The following CELF2 variants were observed in gnomAD, a reference collection of about 807,000 sequenced individuals.
The protein encoded by CELF2 is CUG triplet repeat RNA-binding protein 2.
In CELF2, 8 loss-of-function variants were observed where a neutral mutation model predicts 62.6. That is an observed-to-expected ratio of 0.13 (90% CI 0.07 to 0.23). CELF2 has a LOEUF of 0.23. Among genes scored for constraint, CELF2 ranks in the 10% least tolerant of loss-of-function variants. The probability of loss-of-function intolerance (pLI) is 1.00; values close to 1 mark genes in which losing one functional copy is unlikely to be tolerated. For missense variants in CELF2, 333 were observed against 671.0 expected, an observed-to-expected ratio of 0.50 and a Z score of 5.56; for synonymous variants, 258 against 250.0, an observed-to-expected ratio of 1.03 and a Z score of -0.30.
chr10:10,761,905 CGTGT>C, the CELF2 span, among the ~76,000 whole-genome samples: 35,687 of 128,576 alleles, frequency 0.28, 5,023 homozygotes, highest in Non-Finnish European at 0.33. Flanking sequence ...TATAATAAAC[CGTGT>C]GTGTGTGTGT....
chr10:10,865,416 G>T (rs1257375702), intron 1 of CELF2, among the ~76,000 whole-genome samples: 2 of 152,072 alleles, frequency 1.3e-5, no homozygotes, highest in Non-Finnish European at 2.9e-5. Context: ...ATATGAATTT[G>T]CTCCTGTTTA....
chr10:10,662,139 A>G, the CELF2 span, among the ~76,000 whole-genome samples: 8 of 152,256 alleles, frequency 5.3e-5, no homozygotes, highest in African/African-American at 1.9e-4. Context: ...GCCTGGTAAA[A>G]GGGTCTGAGC....
intron 1 of CELF2, chr10:11,018,738 G>A (rs1593234857): frequency 6.5e-6 from 1 of 153,342 alleles, no homozygotes; most frequent in Non-Finnish European, 1.5e-5. Context: ...GTGCGCGCGT[G>A]CGAGTGTGCA....
intron 9 of CELF2, 148 bp from the exon 10 acceptor site, chr10:11,313,991 A>G (rs1231674584): frequency 1.2e-5 from 10 of 803,548 alleles, no homozygotes; most frequent in Admixed American, 9.5e-5. Flanking sequence ...CAAAATTGCC[A>G]CAAGTACAAT....
intron 3 of CELF2, among the ~76,000 whole-genome samples, chr10:11,225,765 AT>A (rs897946451): frequency 6.6e-6 from 1 of 152,092 alleles, no homozygotes; most frequent in Non-Finnish European, 1.5e-5. Flanking sequence ...TTTTTGGTGG[AT>A]TTTTTTATCT....
At chr10:10,615,136 T>C in the CELF2 span, among the ~76,000 whole-genome samples, 4 of 152,120 alleles carry the variant, frequency 2.6e-5, no homozygotes, top group Admixed American at 2.6e-4. Context: ...CTCACTGTTG[T>C]CTAATTTATA....
At chr10:10,753,033 A>G in the CELF2 span, among the ~76,000 whole-genome samples, 3 of 152,280 alleles carry the variant, frequency 2.0e-5, no homozygotes, top group African/African-American at 4.8e-5. Flanking sequence ...TGTAAAATCT[A>G]CGTTGTGGGT....
At chr10:10,851,444 G>A (rs1274181522) in intron 1 of CELF2, among the ~76,000 whole-genome samples, 4 of 152,104 alleles carry the variant, frequency 2.6e-5, no homozygotes, top group African/African-American at 9.7e-5. Flanking sequence ...AATTAACTCA[G>A]CAAGGTTGCC....
the CELF2 span, among the ~76,000 whole-genome samples, chr10:10,753,299 C>G: frequency 1.7e-4 from 26 of 149,908 alleles, no homozygotes; most frequent in African/African-American, 3.7e-4. Flanking sequence ...TTCCAAAGCT[C>G]TGTGTGTGTG....
At chr10:10,816,433 A>G (rs557322418) in intron 1 of CELF2, among the ~76,000 whole-genome samples, 3 of 152,324 alleles carry the variant, frequency 2.0e-5, no homozygotes, top group African/African-American at 7.2e-5. Flanking sequence ...AGCAATCAAG[A>G]TGTTTCAAGT....
At chr10:10,875,466 A>G (rs1250145033) in intron 1 of CELF2, among the ~76,000 whole-genome samples, 1 of 152,240 alleles carries the variant, frequency 6.6e-6, no homozygotes, top group Non-Finnish European at 1.5e-5. Context: ...CCTTAAAATT[A>G]TAAAAATTGA....
intron 3 of CELF2, among the ~76,000 whole-genome samples, chr10:11,240,329 G>A (rs1185879899): frequency 2.0e-5 from 3 of 152,178 alleles, no homozygotes; most frequent in Non-Finnish European, 4.4e-5. Context: ...ACTTTGATTC[G>A]TTTTATAGAT....
Position 11,184,314 on chromosome 10 carries a change from C to T in CELF2, c.271+18632C>T, listed in dbSNP as rs998407522. On this transcript the variant is annotated intron_variant, in intron 2 of 12. Coordinates refer to ENST00000633077, the MANE Select transcript of CELF2 (RefSeq NM_001326342.2). ...TAGTTACTGCAACTTTATCACGAGTCTTGAAGTCAGATACTGTTAGTCTTC... is the reference window on the plus strand; with the variant it reads ...TAGTTACTGCAACTTTATCACGAGTTTTGAAGTCAGATACTGTTAGTCTTC... 2.2e-4 allele frequency among the ~76,000 whole-genome samples: 33 copies of T among 152,348 alleles called. 1 individual carries two copies. The highest frequency in any genetic ancestry group is 2.5e-4 in the Non-Finnish European group (17 of 68,032).
Position 11,243,211 on chromosome 10 carries a change from G to C in CELF2, c.355-5942G>C, listed in dbSNP as rs1342549367. The stretch of plus-strand genomic sequence containing the variant: ...CTTCTTGGGACCGCGCTTGACTCTA[G>C]TTCCTTCTCCCCGGGAGGGAGAAAG... On this transcript the variant is annotated intron_variant, in intron 3 of 12. Coordinates refer to ENST00000633077, the MANE Select transcript of CELF2 (RefSeq NM_001326342.2). The surrounding 1 kb of genome is among the most constrained non-coding windows in gnomAD (Gnocchi z 4.1). Among the ~76,000 whole-genome samples, 1 of 152,068 alleles carries C rather than the reference G, an allele frequency of 6.6e-6. No homozygotes were observed. The highest frequency in any genetic ancestry group is 1.9e-4 in the East Asian group (1 of 5,184).
the CELF2 span, among the ~76,000 whole-genome samples, chr10:10,690,642 G>C: frequency 2.6e-5 from 4 of 152,280 alleles, no homozygotes; most frequent in East Asian, 5.8e-4. Context: ...CACTTTGGGA[G>C]GCTGAGGTGG....
intron 1 of CELF2, among the ~76,000 whole-genome samples, chr10:11,120,562 C>T (rs2057533131): frequency 6.6e-6 from 1 of 152,062 alleles, no homozygotes; most frequent in Admixed American, 6.6e-5. Context: ...CCTTTCCCCT[C>T]CCCACCAGAA....
chr10:10,497,526 G>A, the CELF2 span, among the ~76,000 whole-genome samples: 1 of 152,120 alleles, frequency 6.6e-6, no homozygotes, highest in Non-Finnish European at 1.5e-5. Flanking sequence ...ACAGAAACCA[G>A]TGAAAAGTGC....
intron 1 of CELF2, among the ~76,000 whole-genome samples, chr10:10,804,674 C>G (rs755432148): frequency 6.6e-6 from 1 of 152,156 alleles, no homozygotes; most frequent in African/African-American, 2.4e-5. Flanking sequence ...TTTGCGTGTT[C>G]CCTTATGGAG....
chr10:11,163,448 C>G (rs746041363), intron 1 of CELF2, among the ~76,000 whole-genome samples: 1 of 152,320 alleles, frequency 6.6e-6, no homozygotes, highest in South Asian at 2.1e-4. Context: ...ACTGCCTCCA[C>G]CCCGCTACAG....
Sources: gnomAD v4.1 joint callset for allele counts (sites outside exome capture counted in the v4.1 genomes callset) on GRCh38, gnomAD v4.1.1 for gene constraint, Gnocchi (gnomAD v3.1) non-coding constraint, MANE v1.5 for transcripts, NCBI Gene and HGNC (gene_info 2026-07-23, HGNC 2026-07-21) for gene names.